KIF18A: variants seen among roughly 807,000 people sequenced by gnomAD.
KIF18A encodes kinesin-like protein KIF18A.
Under a neutral mutation model 103.3 loss-of-function variants are expected in KIF18A, and 67 were observed. The observed-to-expected ratio is 0.65, with a 90% CI of 0.53 to 0.79. The LOEUF is 0.79. Ranked by LOEUF, KIF18A falls within the 30% of genes least tolerant of loss-of-function variation. The pLI, the probability that KIF18A is intolerant of heterozygous loss-of-function variation, is 0.00. For missense variants in KIF18A, 1,032 were observed against 1,062.5 expected, an observed-to-expected ratio of 0.97 and a Z score of 0.40; for synonymous variants, 367 against 355.5, an observed-to-expected ratio of 1.03 and a Z score of -0.36.
chr11:28,079,892 C>T (rs1165764124), intron 9 of KIF18A, among the ~76,000 whole-genome samples: 1 of 152,026 alleles, frequency 6.6e-6, no homozygotes, highest in Non-Finnish European at 1.5e-5. Context: ...GGAAAAAGTA[C>T]TTTTGCATAC....
chr11:28,079,847 A>G (rs748775704), intron 9 of KIF18A, among the ~76,000 whole-genome samples: 4 of 152,056 alleles, frequency 2.6e-5, no homozygotes, highest in Non-Finnish European at 5.9e-5. Flanking sequence ...CAGTGTCTCA[A>G]TGGGTCAATT....
chr11:28,032,836 A>G (rs1850428960), intron 15 of KIF18A, among the ~76,000 whole-genome samples: 1 of 151,742 alleles, frequency 6.6e-6, no homozygotes, highest in East Asian at 1.9e-4. Context: ...TACCCTACAC[A>G]GGGAACCAAA....
At chr11:28,034,745 C>T (rs1258564621) in intron 15 of KIF18A, among the ~76,000 whole-genome samples, 1 of 151,684 alleles carries the variant, frequency 6.6e-6, no homozygotes, top group South Asian at 2.1e-4. Context: ...TGCCTTATGC[C>T]ATAAATTGGC....
At chr11:28,072,597 T>G (rs550579325) in intron 10 of KIF18A, among the ~76,000 whole-genome samples, 2 of 152,096 alleles carry the variant, frequency 1.3e-5, no homozygotes, top group African/African-American at 4.8e-5. Context: ...GTGGGTTAAC[T>G]ACACCCAATA....
chr11:28,021,856 G>C (rs1029372026), intron 16 of KIF18A, among the ~76,000 whole-genome samples: 1 of 152,144 alleles, frequency 6.6e-6, no homozygotes, highest in Middle Eastern at 3.4e-3. Flanking sequence ...GTTACAACAG[G>C]GTGCCATTGA....
At chr11:28,070,682 G>A (rs182540644) in intron 10 of KIF18A, among the ~76,000 whole-genome samples, 104 of 152,260 alleles carry the variant, frequency 6.8e-4, no homozygotes, top group African/African-American at 2.3e-3. Flanking sequence ...TAGTCAAGAA[G>A]AGAAAACAAA....
chr11:28,040,399 A>T (rs1306497743), intron 13 of KIF18A, among the ~76,000 whole-genome samples: 1 of 151,754 alleles, frequency 6.6e-6, no homozygotes, highest in Non-Finnish European at 1.5e-5. Context: ...CCCCTGATTC[A>T]GCTTGGGAAA....
chr11:28,062,590 T>C (rs776315423), intron 11 of KIF18A, 74 bp from the exon 12 acceptor site: 15 of 1,145,840 alleles, frequency 1.3e-5, no homozygotes, highest in Non-Finnish European at 1.7e-5. Context: ...AATAATTTTA[T>C]ATTGTTGCCA....
rs1205060357 is a variant in KIF18A at position 28,090,498 on chromosome 11, T to C, written c.699+119A>G. 3 of 592,830 alleles carry C rather than the reference T, an allele frequency of 5.1e-6. No homozygotes were observed. In the Admixed American group the frequency reaches 9.0e-5, roughly 18 times the overall value. 36.7% of individuals were successfully genotyped at this position (592,830 alleles called of 1,614,324 possible). On this transcript the variant is annotated intron_variant, in intron 5 of 16. Transcript: ENST00000263181. ...AACTTTTCAAAGCTATAAAGGAAAG[T>C]ACTGACAAGTGAAGTCTACAGACAG...
intron 15 of KIF18A, among the ~76,000 whole-genome samples, chr11:28,034,980 A>T (rs1405965433): frequency 6.6e-6 from 1 of 151,646 alleles, no homozygotes; most frequent in Non-Finnish European, 1.5e-5. Flanking sequence ...CTCTTCACTC[A>T]TTATATTTTA....
rs566381250 is a variant in KIF18A, at chr11:28,069,759, C to T, written c.1426-336G>A. Among the ~76,000 whole-genome samples the T allele has an allele frequency of 5.3e-4, 81 of 151,776 alleles. No individual in the cohort carries two copies. The Middle Eastern group carries it at 0.01, about 20-fold the overall frequency. Reference sequence around the variant, plus strand: ...TTCATTTGAAAAGTTCATACAAGGTCAGATACATTCCATGATCTCCTTACT... The same window carrying T: ...TTCATTTGAAAAGTTCATACAAGGTTAGATACATTCCATGATCTCCTTACT... On this transcript the variant is annotated intron_variant, in intron 10 of 16. Transcript: ENST00000263181.
At chr11:28,034,100 T>C (rs1232004571) in intron 15 of KIF18A, among the ~76,000 whole-genome samples, 1 of 151,752 alleles carries the variant, frequency 6.6e-6, no homozygotes, top group Non-Finnish European at 1.5e-5. Flanking sequence ...AAATTCTATA[T>C]TTTCAGTTCT....
In KIF18A at chr11:28,096,993, T is replaced by C. The variant is rs573202843; in HGVS notation, c.325+630A>G. Among the ~76,000 whole-genome samples, 66 of 152,076 alleles carry C rather than the reference T, an allele frequency of 4.3e-4. 1 individual carries two copies. Among genetic ancestry groups the C allele is most frequent in the South Asian group, 2.9e-3 (14 of 4,816 alleles). On this transcript the variant is annotated intron_variant, in intron 2 of 16. Transcript: ENST00000263181. Reference sequence around the variant, plus strand: ...GCTAAAGGGCATGAGATAATTAACATGGGATCTTAACACTTTTACCCCCTT... The same window carrying C: ...GCTAAAGGGCATGAGATAATTAACACGGGATCTTAACACTTTTACCCCCTT...
intron 13 of KIF18A, among the ~76,000 whole-genome samples, chr11:28,055,092 T>G (rs1210759581): frequency 6.6e-6 from 1 of 152,252 alleles, no homozygotes; most frequent in South Asian, 2.1e-4. Context: ...GAAAAAAACT[T>G]AAGTTTTGCT....
chr11:28,076,262 C>A (rs1851089873), intron 10 of KIF18A, among the ~76,000 whole-genome samples: 1 of 152,106 alleles, frequency 6.6e-6, no homozygotes, highest in African/African-American at 2.4e-5. Flanking sequence ...TAGGCCCCTG[C>A]CCTGGCACAT....
intron 9 of KIF18A, among the ~76,000 whole-genome samples, chr11:28,078,254 T>C (rs1318759537): frequency 2.0e-5 from 3 of 152,180 alleles, no homozygotes; most frequent in South Asian, 2.1e-4. Flanking sequence ...CTGACTTTAC[T>C]GCAGTTTTGT....
chr11:28,065,128 T>C (rs867930073), intron 11 of KIF18A, among the ~76,000 whole-genome samples: 1 of 151,964 alleles, frequency 6.6e-6, no homozygotes, highest in Admixed American at 6.6e-5. Context: ...GAGAAGTGGA[T>C]AGATTCAGAA....
chr11:28,024,393 T>C (rs1850286606), intron 15 of KIF18A, among the ~76,000 whole-genome samples: 1 of 152,050 alleles, frequency 6.6e-6, no homozygotes. Context: ...GCTTCAAAAA[T>C]TTAATCAGTC....
intron 6 of KIF18A, among the ~76,000 whole-genome samples, chr11:28,087,125 C>T (rs906719923): frequency 9.2e-5 from 14 of 152,116 alleles, no homozygotes; most frequent in African/African-American, 2.7e-4. Flanking sequence ...ATGTGCAGAA[C>T]GTGCAGGTTT....
Sources: gnomAD v4.1 joint callset for allele counts (sites outside exome capture counted in the v4.1 genomes callset) on GRCh38, gnomAD v4.1.1 for gene constraint, MANE v1.5 for transcripts, NCBI Gene and HGNC (gene_info 2026-07-23, HGNC 2026-07-21) for gene names.